ID4: variants seen among roughly 807,000 people sequenced by gnomAD.
ID4 encodes the protein DNA-binding protein inhibitor ID-4.
ID4 carries 9 observed loss-of-function variants against 8.6 expected under a neutral mutation model. The ratio of observed to expected loss-of-function variants is 1.04; its 90% CI spans 0.63 to 1.82. The LOEUF (loss-of-function observed/expected upper bound fraction) is 1.82. ID4 is among the 40% of genes most tolerant of loss of function. The pLI, the probability that ID4 is intolerant of heterozygous loss-of-function variation, is 0.00. For missense variants in ID4, 270 were observed against 235.1 expected (o/e 1.15, Z -0.97); for synonymous variants, 180 against 118.0 (o/e 1.53, Z -3.41).
rs1261183369 is a variant in ID4, at chr6:19,838,075, G to A, written c.321G>A (p.Ala107=). The change falls in exon 1 of 3, where the codon GCG becomes GCA. Residue 107 remains alanine, a synonymous_variant. Transcript: ENST00000378700. ...VIDYILDLQL[A]LETHPALLRQ... Reference sequence around the variant, plus strand: ...ACTACATCCTGGACCTGCAGCTGGCGCTGGAGACGCACCCGGCCCTGCTGA... The same window carrying A: ...ACTACATCCTGGACCTGCAGCTGGCACTGGAGACGCACCCGGCCCTGCTGA... The A allele has an allele frequency of 1.1e-5, 17 of 1,605,976 alleles. No homozygotes were observed. Among genetic ancestry groups the A allele is most frequent in the Non-Finnish European group, 1.4e-5 (17 of 1,176,210 alleles).
intron 1 of ID4, 58 bp from the exon 2 acceptor site, chr6:19,838,526 G>T: frequency 6.2e-7 from 1 of 1,609,910 alleles, no homozygotes; most frequent in Non-Finnish European, 8.5e-7. Context: ...CCAGGACCGT[G>T]TCGAGCGCGT....
In ID4 at chr6:19,837,522, G is replaced by C. The variant is rs1761241481; in HGVS notation, c.-233G>C. The stretch of plus-strand genomic sequence containing the variant: ...GGGCTACTTTTCTTCCGGTGCTTTT[G>C]CTTTTTTTTTCCTTTGGGCTCGGGC... On this transcript the variant is annotated 5_prime_UTR_variant, in exon 1 of 3. Transcript: ENST00000378700. 5.8e-6 allele frequency: 1 copy of C among 173,492 alleles called. No individual in the cohort carries two copies. Among genetic ancestry groups the C allele is most frequent in the African/African-American group, 3.0e-5 (1 of 33,290 alleles). The allele number at this position is 173,492 out of a possible 1,614,324, so 10.7% of individuals were successfully genotyped here. A position where few individuals can be genotyped will look rare whatever the true frequency, so the allele number is the denominator to read the frequency against.
intron 2 of ID4, 117 bp from the exon 3 acceptor site, chr6:19,839,093 T>G (rs2113466010): frequency 4.9e-6 from 1 of 203,706 alleles, no homozygotes; most frequent in Non-Finnish European, 1.0e-5. Context: ...GGGTGTTGTC[T>G]GACCTGGTGG....
intron 2 of ID4, chr6:19,838,935 C>G (rs1015962568): frequency 4.3e-6 from 2 of 462,780 alleles, no homozygotes; most frequent in Non-Finnish European, 7.8e-6. Context: ...AGGGAGGGCA[C>G]CCTCGTGGGC....
At position 19,837,683 on chromosome 6, in the gene ID4, G is replaced by A. The variant is rs888810352; in HGVS notation, c.-72G>A. ...AAAGGGAGCGGAGCCGGCCGCGGAC[G>A]GGGCCCGGAGCTTGCCTGCCTCCCT... On this transcript the variant is annotated 5_prime_UTR_variant, in exon 1 of 3. Transcript: ENST00000378700. 8.2e-5 allele frequency: 84 copies of A among 1,024,048 alleles called. No individual in the cohort carries two copies. The highest frequency in any genetic ancestry group is 2.2e-4 in the African/African-American group (13 of 57,834). 63.4% of individuals were successfully genotyped at this position (1,024,048 alleles called of 1,614,324 possible). A position where few individuals can be genotyped will look rare whatever the true frequency, so the allele number is the denominator to read the frequency against.
At position 19,837,830 on chromosome 6, in the gene ID4, C is replaced by T. The variant is rs1761253879; in HGVS notation, c.76C>T (p.Arg26Cys). ...SGCGGGELALRCLAEHGHSLG... is the reference protein window; with the variant it reads ...SGCGGGELALCCLAEHGHSLG... ...CTGCGGCGGCGGGGAGCTGGCGCTG[C>T]GCTGCCTGGCCGAGCACGGCCACAG... The change falls in exon 1 of 3, where the codon CGC becomes TGC. Residue 26 changes from arginine to cysteine, a missense_variant. By Grantham distance (180) the Arg-to-Cys change is radical. This residue lies in a region of ID4 where 160 missense variants were observed against 131.5 expected (regional missense o/e 1.22). Coordinates refer to ENST00000378700, the MANE Select transcript of ID4 (RefSeq NM_001546.4). 8.7e-7 allele frequency: 1 copy of T among 1,154,612 alleles called. No individual in the cohort carries two copies. The highest frequency in any genetic ancestry group is 4.2e-5 in the South Asian group (1 of 23,722). The allele number at this position is 1,154,612 out of a possible 1,614,324, so 71.5% of individuals were successfully genotyped here.
Position 19,838,090 on chromosome 6 carries a change from G to A in ID4, c.336G>A (p.Pro112=), listed in dbSNP as rs763844215. ...LDLQLALETH[P]ALLRQPPPPA... The stretch of plus-strand genomic sequence containing the variant: ...TGCAGCTGGCGCTGGAGACGCACCC[G>A]GCCCTGCTGAGGCAGCCACCACCGC... Residue 112 remains proline, a synonymous_variant, in exon 1 of 3, where the codon CCG becomes CCA. Coordinates refer to ENST00000378700, the MANE Select transcript of ID4 (RefSeq NM_001546.4). 3 of 1,602,758 alleles carry A rather than the reference G, an allele frequency of 1.9e-6. No homozygotes were observed. Among genetic ancestry groups the A allele is most frequent in the African/African-American group, 1.3e-5 (1 of 74,250 alleles).
rs1211663487 is a variant in ID4 at position 19,837,398 on chromosome 6, G to A, written c.-357G>A. ...AGCGTAGTGGAGGAGGCGCGGTTGT[G>A]AGTAGTACCGGGAGTGGGGTGATCC... is the stretch of plus-strand genomic sequence containing the variant. On this transcript the variant is annotated 5_prime_UTR_variant, in exon 1 of 3. Coordinates refer to ENST00000378700, the MANE Select transcript of ID4 (RefSeq NM_001546.4). 6.5e-6 allele frequency: 1 copy of A among 153,872 alleles called. No individual in the cohort carries two copies. The highest frequency in any genetic ancestry group is 1.4e-5 in the Non-Finnish European group (1 of 69,442). The allele number at this position is 153,872 out of a possible 1,614,324, so 9.5% of individuals were successfully genotyped here. A position where few individuals can be genotyped will look rare whatever the true frequency, so the allele number is the denominator to read the frequency against.
rs1466732911 is a variant in ID4 at position 19,840,074 on chromosome 6, G to A, written c.*879G>A. ...ATTCAAATGTGTTTTTTTAAATGTA[G>A]ATTGAAATCTTTGTATTTGAAGCAT... On this transcript the variant is annotated 3_prime_UTR_variant, in exon 3 of 3. Transcript: ENST00000378700. 6.6e-6 allele frequency: 1 copy of A among 152,446 alleles called. No homozygotes were observed. The highest frequency in any genetic ancestry group is 1.5e-5 in the Non-Finnish European group (1 of 67,992). 9.4% of individuals were successfully genotyped at this position (152,446 alleles called of 1,614,324 possible). A position where few individuals can be genotyped will look rare whatever the true frequency, so the allele number is the denominator to read the frequency against.
At position 19,841,832 on chromosome 6, in the gene ID4, T is replaced by A. The variant is rs1761364444; in HGVS notation, c.*2637T>A. 6.6e-6 allele frequency among the ~76,000 whole-genome samples: 1 copy of A among 152,332 alleles called. No individual in the cohort carries two copies. Among genetic ancestry groups the A allele is most frequent in the African/African-American group, 2.4e-5 (1 of 41,594 alleles). On this transcript the variant is annotated 3_prime_UTR_variant, in exon 3 of 3. Transcript: ENST00000378700. ...CTTTTATCTAGGTAGTTCTAATTATTCAGCTACTTAGTTTAACAAAGGAAA... is the reference window on the plus strand; with the variant it reads ...CTTTTATCTAGGTAGTTCTAATTATACAGCTACTTAGTTTAACAAAGGAAA...
rs1271009072 is a variant in ID4 at position 19,838,208 on chromosome 6, G to C, written c.441+13G>C. The C allele has an allele frequency of 2.2e-6, 3 of 1,347,440 alleles. No homozygotes were observed. The African/African-American group carries it at 4.6e-5, about 21-fold the overall frequency. The allele number at this position is 1,347,440 out of a possible 1,614,324, so 83.5% of individuals were successfully genotyped here. On this transcript the variant is annotated intron_variant, in intron 1 of 2. Coordinates refer to ENST00000378700, the MANE Select transcript of ID4 (RefSeq NM_001546.4). ...CAACACCGACCCGGTGAGAGGCCGG[G>C]CGCCGGCCGTGGGCGGACGCCGCGG...
Position 19,837,772 on chromosome 6 carries a change from G to A in ID4, c.18G>A (p.Pro6=), listed in dbSNP as rs1761251258. 2 of 1,126,908 alleles carry A rather than the reference G, an allele frequency of 1.8e-6. No homozygotes were observed. The highest frequency in any genetic ancestry group is 2.2e-6 in the Non-Finnish European group (2 of 921,454). The allele number at this position is 1,126,908 out of a possible 1,614,324, so 69.8% of individuals were successfully genotyped here. A position where few individuals can be genotyped will look rare whatever the true frequency, so the allele number is the denominator to read the frequency against. The change falls in exon 1 of 3, where the codon CCG becomes CCA. Residue 6 remains proline, a synonymous_variant. Transcript: ENST00000378700. Reference sequence around the variant, plus strand: ...CGCGCGCGATGAAGGCGGTGAGCCCGGTGCGCCCCTCGGGCCGCAAGGCGC... The same window carrying A: ...CGCGCGCGATGAAGGCGGTGAGCCCAGTGCGCCCCTCGGGCCGCAAGGCGC... MKAVS[P]VRPSGRKAPS... is the part of the protein sequence containing the mutation.
In ID4 at chr6:19,840,425, CT is replaced by C. The variant is rs1162321927; in HGVS notation, c.*1233del. 3 of 152,568 alleles carry C rather than the reference CT, an allele frequency of 2.0e-5. No individual in the cohort carries two copies. The East Asian group carries it at 5.8e-4, about 29-fold the overall frequency. The allele number at this position is 152,568 out of a possible 1,614,324, so 9.5% of individuals were successfully genotyped here. On this transcript the variant is annotated 3_prime_UTR_variant, in exon 3 of 3. Transcript: ENST00000378700. ...AAGGACAAACTCTTGGAAATGAACA[CT>C]TTCTGCTTTCCTTCCTCCAAAGAAT...
rs1358260152 is a variant in ID4, at chr6:19,837,667, G to A, written c.-88G>A. The A allele has an allele frequency of 1.1e-6, 1 of 949,918 alleles. No homozygotes were observed. Among genetic ancestry groups the A allele is most frequent in the East Asian group, 7.1e-5 (1 of 14,106 alleles). 58.8% of individuals were successfully genotyped at this position (949,918 alleles called of 1,614,324 possible). ...CGCCGGGCGCGGAGGCAAAGGGAGC[G>A]GAGCCGGCCGCGGACGGGGCCCGGA... On this transcript the variant is annotated 5_prime_UTR_variant, in exon 1 of 3. Coordinates refer to ENST00000378700, the MANE Select transcript of ID4 (RefSeq NM_001546.4).
rs72552346 is a variant in ID4, at chr6:19,838,522, C to G, written c.442-62C>G. The G allele has an allele frequency of 1.5e-3, 2,378 of 1,604,080 alleles. 29 individuals carry two copies. In the African/African-American group the frequency reaches 0.027, roughly 18 times the overall value. On this transcript the variant is annotated intron_variant, in intron 1 of 2. Coordinates refer to ENST00000378700, the MANE Select transcript of ID4 (RefSeq NM_001546.4). ...CCTGATTTCCGAGGACAATCCAGGACCGTGTCGAGCGCGTTGTTTGCGCCT... is the reference window on the plus strand; with the variant it reads ...CCTGATTTCCGAGGACAATCCAGGAGCGTGTCGAGCGCGTTGTTTGCGCCT...
At position 19,838,137 on chromosome 6, in the gene ID4, C is replaced by A. The variant is rs1761265942; in HGVS notation, c.383C>A (p.Ala128Asp). ...CCGCCCGCGCCGCCACACCACCCGG[C>A]CGGGACCTGTCCAGCCGCGCCGCCG... Reference protein sequence around the residue: ...PPPPAPPHHPAGTCPAAPPRT... With the variant: ...PPPPAPPHHPDGTCPAAPPRT... The change falls in exon 1 of 3, where the codon GCC becomes GAC. Residue 128 changes from alanine to aspartate, a missense_variant. Coordinates refer to ENST00000378700, the MANE Select transcript of ID4 (RefSeq NM_001546.4). 7.7e-6 allele frequency: 12 copies of A among 1,565,626 alleles called. No homozygotes were observed. Among genetic ancestry groups the A allele is most frequent in the Non-Finnish European group, 9.5e-6 (11 of 1,156,672 alleles).
At chr6:19,838,300 C>A (rs1761272179) in intron 1 of ID4, 105 bp downstream of exon 1, 3 of 1,100,066 alleles carry the variant, frequency 2.7e-6, no homozygotes, top group East Asian at 6.6e-5. Flanking sequence ...AGGGGCGGGC[C>A]AGGAATGACA....
rs761195472 is a variant in ID4 at position 19,838,652 on chromosome 6, C to T, written c.*14+10C>T. On this transcript the variant is annotated intron_variant, in intron 2 of 2. Coordinates refer to ENST00000378700, the MANE Select transcript of ID4 (RefSeq NM_001546.4). ...GAGCCGCGCTGTCCAGGTGAGCGCG[C>T]ATTTCCCGTCTCGGGTGGCCGGTCA... is the stretch of plus-strand genomic sequence containing the variant. The T allele has an allele frequency of 3.1e-6, 5 of 1,612,422 alleles. No individual in the cohort carries two copies. Among genetic ancestry groups the T allele is most frequent in the Non-Finnish European group, 4.2e-6 (5 of 1,178,922 alleles).
rs35904440 is a variant in ID4 at position 19,837,944 on chromosome 6, C to G, written c.190C>G (p.Leu64Val). The G allele has an allele frequency of 2.6e-6, 4 of 1,526,320 alleles. No homozygotes were observed. Among genetic ancestry groups the G allele is most frequent in the South Asian group, 1.2e-5 (1 of 81,346 alleles). The allele number at this position is 1,526,320 out of a possible 1,614,324, so 94.5% of individuals were successfully genotyped here. Residue 64 changes from leucine to valine, a missense_variant, in exon 1 of 3, where the codon CTG becomes GTG. This residue lies in a region of ID4 where 160 missense variants were observed against 131.5 expected (regional missense o/e 1.22). Coordinates refer to ENST00000378700, the MANE Select transcript of ID4 (RefSeq NM_001546.4). ...GGCGGCCGACGAGCCGGCGCTGTGCCTGCAGTGCGATATGAACGACTGCTA... is the reference window on the plus strand; with the variant it reads ...GGCGGCCGACGAGCCGGCGCTGTGCGTGCAGTGCGATATGAACGACTGCTA... ...EAAADEPALC[L>V]QCDMNDCYSR... is the part of the protein sequence containing the mutation.
Sources: allele counts gnomAD v4.1 joint callset (sites outside exome capture counted in the v4.1 genomes callset), GRCh38; gene constraint gnomAD v4.1.1; regional missense constraint gnomAD v4.1.1; transcripts MANE v1.5; gene names NCBI Gene and HGNC (gene_info 2026-07-23, HGNC 2026-07-21).